The following DLGAP2 variants were observed in gnomAD, a reference collection of about 807,000 sequenced individuals.
DLGAP2 encodes DLG associated protein 2, also known as disks large-associated protein 2.
DLGAP2 carries 26 observed loss-of-function variants against 100.3 expected under a neutral mutation model. That is an observed-to-expected ratio of 0.26 (90% CI 0.19 to 0.36). The LOEUF (loss-of-function observed/expected upper bound fraction) is 0.36, where lower values mean the gene tolerates loss of function less well. DLGAP2 is among the 10% of genes least tolerant of loss of function. The probability of loss-of-function intolerance (pLI) is 1.00; values close to 1 mark genes in which losing one functional copy is unlikely to be tolerated. For synonymous variants in DLGAP2, 886 were observed against 630.1 expected (o/e 1.41, Z -6.08); for missense variants, 1,858 against 1,453.2 (o/e 1.28, Z -4.53).
At chr8:1,429,082 G>T (rs1173505082) in intron 3 of DLGAP2, among the ~76,000 whole-genome samples, 1 of 152,212 alleles carries the variant, frequency 6.6e-6, no homozygotes, top group African/African-American at 2.4e-5. Context: ...CTTCAGAGGT[G>T]AGACAGAAAA....
chr8:763,480 G>A (rs1821138506), intron 1 of DLGAP2, among the ~76,000 whole-genome samples: 1 of 152,232 alleles, frequency 6.6e-6, no homozygotes, highest in African/African-American at 2.4e-5. Flanking sequence ...ATGGCATCTT[G>A]AATGGGATTT....
rs147496652 is a variant in DLGAP2 at position 1,472,262 on chromosome 8, G to T, written c.107-29104G>T. Among the ~76,000 whole-genome samples the T allele has an allele frequency of 6.2e-4, 95 of 152,332 alleles. 1 individual carries two copies. The highest frequency in any genetic ancestry group is 3.4e-3 in the Middle Eastern group (1 of 294). ...GGGGGTTGAGCCATGCGGTAGAGCG[G>T]CTGTGCACCAGATGCAGGGCCGGAG... On this transcript the variant is annotated intron_variant, in intron 3 of 14. Coordinates refer to ENST00000637795, the MANE Select transcript of DLGAP2 (RefSeq NM_001346810.2).
chr8:1,343,685 G>A (rs1801471277), intron 3 of DLGAP2, among the ~76,000 whole-genome samples: 2 of 149,268 alleles, frequency 1.3e-5, no homozygotes, highest in African/African-American at 4.9e-5. Flanking sequence ...GTCAGCTTTT[G>A]GAGCAGTTTG....
intron 3 of DLGAP2, among the ~76,000 whole-genome samples, chr8:1,386,945 G>C (rs1796234614): frequency 6.6e-6 from 1 of 152,116 alleles, no homozygotes; most frequent in Non-Finnish European, 1.5e-5. Context: ...GTTGTATGAG[G>C]ATAGATAATA....
chr8:942,640 A>G (rs541458480), intron 2 of DLGAP2, among the ~76,000 whole-genome samples: 1 of 152,212 alleles, frequency 6.6e-6, no homozygotes, highest in East Asian at 1.9e-4. Flanking sequence ...TTCATCCTTC[A>G]TTTTCCCAAA....
intron 4 of DLGAP2, among the ~76,000 whole-genome samples, chr8:1,532,304 C>G (rs1318294832): frequency 6.6e-6 from 1 of 152,188 alleles, no homozygotes; most frequent in Non-Finnish European, 1.5e-5. Context: ...CATTCCGATC[C>G]TTCTCTCTCT....
intron 1 of DLGAP2, among the ~76,000 whole-genome samples, chr8:759,639 C>G (rs553551478): frequency 4.6e-4 from 70 of 152,196 alleles, no homozygotes; most frequent in African/African-American, 1.7e-3. Context: ...GTGCATAGGT[C>G]TGAGTCCAGC....
chr8:1,262,233 G>C (rs1030746772), intron 3 of DLGAP2, among the ~76,000 whole-genome samples: 1 of 152,104 alleles, frequency 6.6e-6, no homozygotes, highest in African/African-American at 2.4e-5. Flanking sequence ...ACGATGGTGT[G>C]GCCTGTTTTT....
chr8:1,163,193 C>T (rs1585113106), intron 2 of DLGAP2, among the ~76,000 whole-genome samples: 1 of 152,342 alleles, frequency 6.6e-6, no homozygotes, highest in East Asian at 1.9e-4. Flanking sequence ...AGGCCACTGA[C>T]GTGTCTGTGC....
intron 2 of DLGAP2, among the ~76,000 whole-genome samples, chr8:1,025,132 A>ATG (rs908875725): frequency 1.3e-5 from 2 of 151,632 alleles, no homozygotes; most frequent in South Asian, 4.2e-4. Flanking sequence ...GTGCGTGTGC[A>ATG]TGTGTGTGTG....
chr8:1,548,790 G>T lies in DLGAP2; in HGVS notation c.337G>T (p.Gly113Trp). 6.3e-7 allele frequency: 1 copy of T among 1,586,660 alleles called. No individual in the cohort carries two copies. Among genetic ancestry groups the T allele is most frequent in the Non-Finnish European group, 8.6e-7 (1 of 1,169,572 alleles). Residue 113 changes from glycine to tryptophan, a missense_variant, in exon 5 of 15, where the codon GGG becomes TGG. By Grantham distance (184) the Gly-to-Trp change is radical. Coordinates refer to ENST00000637795, the MANE Select transcript of DLGAP2 (RefSeq NM_001346810.2). The part of the protein sequence containing the change: ...PPEDCEHLHH[G>W]PDARPPYLLS... Reference sequence around the variant, plus strand: ...GGAGGACTGCGAGCACCTGCACCACGGGCCCGACGCGCGGCCGCCCTACCT... The same window carrying T: ...GGAGGACTGCGAGCACCTGCACCACTGGCCCGACGCGCGGCCGCCCTACCT...
chr8:1,307,819 T>C (rs1463259085), intron 3 of DLGAP2, among the ~76,000 whole-genome samples: 7 of 152,120 alleles, frequency 4.6e-5, no homozygotes, highest in African/African-American at 1.7e-4. Context: ...AGCAGTCGAA[T>C]TCATAAAGAC....
At chr8:755,958 G>C (rs186715528) in intron 1 of DLGAP2, among the ~76,000 whole-genome samples, 75 of 152,324 alleles carry the variant, frequency 4.9e-4, no homozygotes, top group Admixed American at 3.7e-3. Context: ...GGGGGATCCA[G>C]GGTCATCCTA....
At chr8:1,314,571 T>G (rs1203796827) in intron 3 of DLGAP2, among the ~76,000 whole-genome samples, 1 of 152,204 alleles carries the variant, frequency 6.6e-6, no homozygotes, top group Non-Finnish European at 1.5e-5. Flanking sequence ...TTTCCCAGCA[T>G]CACTCCTGTG....
At chr8:1,353,010 C>G (rs769451874) in intron 3 of DLGAP2, among the ~76,000 whole-genome samples, 4 of 152,140 alleles carry the variant, frequency 2.6e-5, no homozygotes, top group Admixed American at 6.5e-5. Flanking sequence ...TTGACTCAGC[C>G]GAAGGGAGAA....
At chr8:1,164,217 A>G (rs11774832) in intron 2 of DLGAP2, among the ~76,000 whole-genome samples, 12,235 of 30,118 alleles carry the variant, frequency 0.41, 907 homozygotes, top group Admixed American at 0.43. Context: ...AGGGCCCGTC[A>G]TTTTGGTTTG....
chr8:1,684,570 C>CTGAT (rs1799063808), intron 12 of DLGAP2, among the ~76,000 whole-genome samples: 1 of 152,078 alleles, frequency 6.6e-6, no homozygotes, highest in African/African-American at 2.4e-5. Flanking sequence ...GTTCCCCGAA[C>CTGAT]TGATTGAATG....
intron 3 of DLGAP2, among the ~76,000 whole-genome samples, chr8:1,353,237 G>A (rs754099828): frequency 2.0e-5 from 3 of 152,230 alleles, no homozygotes; most frequent in Non-Finnish European, 2.9e-5. Flanking sequence ...ACAGGGCTGT[G>A]TGTGCACAGG....
chr8:1,626,851 C>T lies in DLGAP2; in HGVS notation c.1554C>T (p.Ala518=), dbSNP rs751665997. 15 of 1,606,584 alleles carry T rather than the reference C, an allele frequency of 9.3e-6. No homozygotes were observed. Among genetic ancestry groups the T allele is most frequent in the African/African-American group, 4.0e-5 (3 of 74,776 alleles). The part of the protein sequence containing the change: ...FRSRNQSYMR[A]VSTLSQASCV... ...CCCGGAACCAGAGCTACATGAGGGCCGTCAGCACCCTGAGCCAGGCCAGCT... is the reference window on the plus strand; with the variant it reads ...CCCGGAACCAGAGCTACATGAGGGCTGTCAGCACCCTGAGCCAGGCCAGCT... Residue 518 remains alanine, a synonymous_variant, in exon 7 of 15, where the codon GCC becomes GCT. Transcript: ENST00000637795.
Sources: gnomAD v4.1 joint callset for allele counts (sites outside exome capture counted in the v4.1 genomes callset) on GRCh38, gnomAD v4.1.1 for gene constraint, MANE v1.5 for transcripts, NCBI Gene and HGNC (gene_info 2026-07-23, HGNC 2026-07-21) for gene names.